Variants in ESRRB observed in about 807,000 individuals in gnomAD.
The protein encoded by ESRRB is steroid hormone receptor ERR2.
Under a neutral mutation model 46.0 loss-of-function variants are expected in ESRRB, and 16 were observed. The ratio of observed to expected loss-of-function variants is 0.35; its 90% CI spans 0.24 to 0.53. The LOEUF (loss-of-function observed/expected upper bound fraction) is 0.53. Ranked by LOEUF, ESRRB falls within the 20% of genes least tolerant of loss-of-function variation. ESRRB has a pLI of 0.93. For synonymous variants in ESRRB, 246 were observed against 259.6 expected (o/e 0.95, Z 0.50); for missense variants, 488 against 607.4 (o/e 0.80, Z 2.07).
Position 76,376,518 on chromosome 14 carries a change from C to A in ESRRB, c.50+67C>A. 8.8e-7 allele frequency: 1 copy of A among 1,140,862 alleles called. No homozygotes were observed. Among genetic ancestry groups the A allele is most frequent in the Non-Finnish European group, 1.1e-6 (1 of 904,954 alleles). 70.7% of individuals were successfully genotyped at this position (1,140,862 alleles called of 1,614,324 possible). A position where few individuals can be genotyped will look rare whatever the true frequency, so the allele number is the denominator to read the frequency against. Reference sequence around the variant, plus strand: ...CTGGCAGTCTCTGTCCTGGGGATCGCAGTTCCTTTTCTGCACATTCTTGTG... The same window carrying A: ...CTGGCAGTCTCTGTCCTGGGGATCGAAGTTCCTTTTCTGCACATTCTTGTG... On this transcript the variant is annotated intron_variant, in intron 1 of 6. Coordinates refer to ENST00000644823, the MANE Select transcript of ESRRB (RefSeq NM_001379180.1). This position sits in a 1 kb window ranked among gnomAD's most constrained non-coding sequence, Gnocchi z 4.1.
intron 2 of ESRRB, among the ~76,000 whole-genome samples, chr14:76,457,402 G>GC (rs1888658757): frequency 6.6e-6 from 1 of 151,990 alleles, no homozygotes; most frequent in African/African-American, 2.4e-5. Flanking sequence ...GCCCAGGATG[G>GC]CTTTGAATGC....
intron 1 of ESRRB, among the ~76,000 whole-genome samples, chr14:76,356,932 T>G (rs1346583278): frequency 1.3e-5 from 2 of 152,186 alleles, no homozygotes; most frequent in African/African-American, 4.8e-5. Flanking sequence ...TTGTTGGGCC[T>G]TTGATGGCCA....
chr14:76,354,609 T>C (rs1254946772), intron 1 of ESRRB, among the ~76,000 whole-genome samples: 1 of 151,388 alleles, frequency 6.6e-6, no homozygotes, highest in Non-Finnish European at 1.5e-5. Flanking sequence ...GCCAAAGGCT[T>C]CTGAGGGACC....
intron 5 of ESRRB, among the ~76,000 whole-genome samples, chr14:76,485,651 GAGAGAGAGAA>G (rs770552187): frequency 1.8e-4 from 17 of 95,712 alleles, no homozygotes; most frequent in Admixed American, 4.1e-4. Flanking sequence ...GAGAGAGAGA[GAGAGAGAGAA>G]AGAAAGAGAG....
At chr14:76,480,311 T>G (rs1359579600) in intron 3 of ESRRB, among the ~76,000 whole-genome samples, 1 of 152,140 alleles carries the variant, frequency 6.6e-6, no homozygotes, top group Non-Finnish European at 1.5e-5. Context: ...GTGGGCTCAC[T>G]CAGTGAACTC....
intron 1 of ESRRB, among the ~76,000 whole-genome samples, chr14:76,385,215 A>G (rs1595067277): frequency 9.5e-6 from 1 of 105,690 alleles, no homozygotes; most frequent in Admixed American, 1.1e-4. Flanking sequence ...TTCCTCAGGA[A>G]AAAAAAAAAA....
At chr14:76,314,946 C>T (rs150945110) in intron 1 of ESRRB, among the ~76,000 whole-genome samples, 2,549 of 152,196 alleles carry the variant, frequency 0.017, 31 homozygotes, top group Non-Finnish European at 0.026. Context: ...TGTGAACACA[C>T]ATCCTTTTTT....
intron 6 of ESRRB, chr14:76,495,459 G>A (rs1296962820): frequency 6.6e-6 from 1 of 151,794 alleles, no homozygotes; most frequent in African/African-American, 2.4e-5. Context: ...CTTGATGAGG[G>A]GAATGCTTCC....
intron 1 of ESRRB, among the ~76,000 whole-genome samples, chr14:76,431,841 G>A (rs182865870): frequency 1.1e-4 from 16 of 152,162 alleles, no homozygotes; most frequent in East Asian, 7.7e-4. Flanking sequence ...GACACTCCCC[G>A]CTCCTCCCCA....
At chr14:76,326,948 A>C (rs1280706556) in intron 1 of ESRRB, among the ~76,000 whole-genome samples, 1 of 152,258 alleles carries the variant, frequency 6.6e-6, no homozygotes, top group African/African-American at 2.4e-5. Context: ...CAGCACCAGC[A>C]CAGCCTCGGG....
At chr14:76,465,548 CG>C (rs1334259308) in intron 3 of ESRRB, among the ~76,000 whole-genome samples, 2 of 152,080 alleles carry the variant, frequency 1.3e-5, no homozygotes, top group African/African-American at 4.8e-5. Context: ...ATGATGGTAT[CG>C]GGGGTGCTGG....
At chr14:76,333,861 G>A (rs59814596) in intron 1 of ESRRB, among the ~76,000 whole-genome samples, 38,158 of 151,852 alleles carry the variant, frequency 0.25, 5,130 homozygotes, top group African/African-American at 0.33. Context: ...TGTCAACTGC[G>A]GCCCTCGGCT....
intron 3 of ESRRB, among the ~76,000 whole-genome samples, chr14:76,474,863 A>T (rs1889512563): frequency 6.6e-6 from 1 of 151,642 alleles, no homozygotes; most frequent in African/African-American, 2.4e-5. Context: ...ACCATTATGT[A>T]ATCACCATCA....
chr14:76,446,670 C>T (rs924245804), intron 2 of ESRRB, among the ~76,000 whole-genome samples: 4 of 152,116 alleles, frequency 2.6e-5, no homozygotes, highest in African/African-American at 7.2e-5. Context: ...TTAAACATTC[C>T]GTTTATCTGA....
At chr14:76,486,611 G>C (rs967987848) in intron 5 of ESRRB, among the ~76,000 whole-genome samples, 4 of 152,176 alleles carry the variant, frequency 2.6e-5, no homozygotes, top group Admixed American at 6.5e-5. Context: ...AATCACGGAT[G>C]GGGGGATGGG....
In ESRRB at chr14:76,326,766, C is replaced by A. The variant is rs183717053; in HGVS notation, c.2+15850C>A. Among the ~76,000 whole-genome samples the A allele has an allele frequency of 2.4e-3, 371 of 152,356 alleles. 1 individual carries two copies. Among genetic ancestry groups the A allele is most frequent in the Non-Finnish European group, 2.9e-3 (200 of 68,026 alleles). On this transcript the variant is annotated intron_variant, in intron 1 of 6. Transcript: ENST00000512784. ...CTCCCAATTTCAGGACCCAGTTGCA[C>A]CTTTGAAGGCCACTTGGCTTTCTTC...
At chr14:76,420,657 A>AC (rs55932153) in intron 1 of ESRRB, among the ~76,000 whole-genome samples, 1 of 105,412 alleles carries the variant, frequency 9.5e-6, no homozygotes, top group Admixed American at 9.4e-5. Flanking sequence ...CACTGTGAGG[A>AC]ACAAAGTAAT....
chr14:76,371,934 C>T (rs1384233576), upstream of ESRRB, among the ~76,000 whole-genome samples: 3 of 152,138 alleles, frequency 2.0e-5, no homozygotes, highest in African/African-American at 7.2e-5. Context: ...AGAGACACTG[C>T]TTGCTGCTGC....
At chr14:76,470,412 G>T (rs1257475928) in intron 3 of ESRRB, among the ~76,000 whole-genome samples, 1 of 152,164 alleles carries the variant, frequency 6.6e-6, no homozygotes, top group Non-Finnish European at 1.5e-5. Context: ...TGGCAGCTCT[G>T]CCAAGCTTAG....
Sources: allele counts gnomAD v4.1 joint callset (sites outside exome capture counted in the v4.1 genomes callset), GRCh38; gene constraint gnomAD v4.1.1; non-coding constraint Gnocchi (gnomAD v3.1); transcripts MANE v1.5; gene names NCBI Gene and HGNC (gene_info 2026-07-23, HGNC 2026-07-21).